Variants in ALG5 observed in about 807,000 individuals in gnomAD.
ALG5 encodes the protein dolichyl-phosphate beta-glucosyltransferase.
In ALG5, 26 loss-of-function variants were observed where a neutral mutation model predicts 51.8. The observed-to-expected ratio is 0.50, with a 90% CI of 0.37 to 0.70. The LOEUF (loss-of-function observed/expected upper bound fraction) is 0.70, where lower values mean the gene tolerates loss of function less well. ALG5 is among the 30% of genes least tolerant of loss of function. The pLI is 0.00. For synonymous variants in ALG5, 141 were observed against 136.1 expected, an observed-to-expected ratio of 1.04 and a Z score of -0.25; for missense variants, 311 against 399.3, an observed-to-expected ratio of 0.78 and a Z score of 1.88.
intron 9 of ALG5, among the ~76,000 whole-genome samples, chr13:36,951,867 C>G (rs1386941973): frequency 9.8e-5 from 15 of 152,322 alleles, no homozygotes; most frequent in Non-Finnish European, 2.9e-5. Flanking sequence ...TCACCGCAAC[C>G]TTTGCCTCTC....
intron 6 of ALG5, among the ~76,000 whole-genome samples, chr13:36,975,695 C>G (rs1314288180): frequency 5.3e-5 from 8 of 152,106 alleles, no homozygotes. Context: ...ATGTAGAATA[C>G]TAAGTTAAAA....
Position 36,981,400 on chromosome 13 carries a change from G to A in ALG5, c.561+4227C>T, listed in dbSNP as rs760337372. Among the ~76,000 whole-genome samples the A allele has an allele frequency of 2.2e-4, 34 of 152,150 alleles. 1 individual carries two copies. Among genetic ancestry groups the A allele is most frequent in the Admixed American group, 5.9e-4 (9 of 15,276 alleles). On this transcript the variant is annotated intron_variant, in intron 6 of 9. Transcript: ENST00000239891. ...ACTTGACTACAAAACCCACGTTCCT[G>A]TTTCATTATTTTCTGAACTATTTCA...
rs535855743 is a variant in ALG5 at position 36,974,232 on chromosome 13, T to C, written c.562-2196A>G. ...ACATACACAGTATGCATCTTCCCAA[T>C]AAAAGAAATGAGTAACACTAGTTAT... is the stretch of plus-strand genomic sequence containing the variant. On this transcript the variant is annotated intron_variant, in intron 6 of 9. Transcript: ENST00000239891. Among the ~76,000 whole-genome samples, 24 of 152,236 alleles carry C rather than the reference T, an allele frequency of 1.6e-4. No individual in the cohort carries two copies. The East Asian group carries it at 4.4e-3, about 28-fold the overall frequency.
chr13:36,988,785 A>G (rs537329350), intron 5 of ALG5, among the ~76,000 whole-genome samples: 4 of 152,334 alleles, frequency 2.6e-5, no homozygotes, highest in Admixed American at 2.0e-4. Flanking sequence ...ATGAGGAAGA[A>G]GGAGTGAAAC....
At position 36,999,328 on chromosome 13, in the gene ALG5, C is replaced by T. The variant is rs757220549; in HGVS notation, c.-28G>A. ...TCCATGCCGTGGCAGCCCGCCCAAT[C>T]CCGCACCTCCACACAGGCGGAAGCG... On this transcript the variant is annotated 5_prime_UTR_variant, in exon 1 of 10. Coordinates refer to ENST00000239891, the MANE Select transcript of ALG5 (RefSeq NM_013338.5). 3 of 1,557,662 alleles carry T rather than the reference C, an allele frequency of 1.9e-6. No individual in the cohort carries two copies. The African/African-American group carries it at 4.2e-5, about 22-fold the overall frequency.
At chr13:36,975,125 T>C (rs1351067431) in intron 6 of ALG5, among the ~76,000 whole-genome samples, 1 of 152,112 alleles carries the variant, frequency 6.6e-6, no homozygotes, top group African/African-American at 2.4e-5. Context: ...GCAGGAGAAT[T>C]GCTTGAACTC....
At chr13:36,984,831 G>A (rs4291799) in intron 6 of ALG5, among the ~76,000 whole-genome samples, 138,580 of 152,046 alleles carry the variant, frequency 0.91, 63,301 homozygotes, top group East Asian at 1. Context: ...AGATTTTGTC[G>A]AGTGTCTTGA....
At chr13:36,955,575 G>A (rs1174699311) in intron 8 of ALG5, among the ~76,000 whole-genome samples, 3 of 149,386 alleles carry the variant, frequency 2.0e-5, no homozygotes, top group Middle Eastern at 3.4e-3. Flanking sequence ...TAAAATTGAG[G>A]AAATCTCAAA....
intron 7 of ALG5, among the ~76,000 whole-genome samples, chr13:36,970,215 T>C (rs1388475255): frequency 6.6e-6 from 1 of 152,112 alleles, no homozygotes; most frequent in Non-Finnish European, 1.5e-5. Context: ...TCTAGGAGTG[T>C]GCTATTCTCT....
chr13:36,986,533 T>C (rs968166303), intron 5 of ALG5, among the ~76,000 whole-genome samples: 3 of 152,216 alleles, frequency 2.0e-5, no homozygotes, highest in African/African-American at 7.2e-5. Context: ...AGGTAAGACA[T>C]ATACAAATGT....
intron 7 of ALG5, among the ~76,000 whole-genome samples, chr13:36,969,916 C>A (rs1185373563): frequency 6.6e-6 from 1 of 151,940 alleles, no homozygotes; most frequent in East Asian, 1.9e-4. Context: ...AGGTTTTATC[C>A]CATGTTATTA....
chr13:36,964,528 C>T (rs1024944507), intron 8 of ALG5, among the ~76,000 whole-genome samples: 3 of 152,152 alleles, frequency 2.0e-5, no homozygotes, highest in Non-Finnish European at 4.4e-5. Flanking sequence ...CCACCTGTAT[C>T]TCCAGTATAT....
intron 2 of ALG5, 30 bp downstream of exon 2, chr13:36,995,395 C>G: frequency 6.3e-7 from 1 of 1,582,422 alleles, no homozygotes; most frequent in South Asian, 1.2e-5. Context: ...CCAAACTACC[C>G]TTTACCAAAA....
intron 6 of ALG5, among the ~76,000 whole-genome samples, chr13:36,973,956 C>A (rs529422466): frequency 2.5e-4 from 38 of 152,280 alleles, no homozygotes; most frequent in African/African-American, 9.1e-4. Flanking sequence ...ATACATATAA[C>A]CTGACCCAGC....
chr13:36,993,613 C>T lies in ALG5; in HGVS notation c.345G>A (p.Gln115=), dbSNP rs764292178. 3 of 1,613,236 alleles carry T rather than the reference C, an allele frequency of 1.9e-6. No homozygotes were observed. In the East Asian group the frequency reaches 6.7e-5, roughly 36 times the overall value. Residue 115 remains glutamine (Q), a synonymous_variant, in exon 4 of 10, where the codon CAG becomes CAA. Transcript: ENST00000239891. ...AAGCAAGTGTATTTACCTTTGAGGT[C>T]TGATCTTTACTGCCATCATCAACTA... ...VIVVDDGSKD[Q]TSKVAFKYCQ... is the part of the protein sequence containing the mutation.
At chr13:36,965,471 G>T in intron 8 of ALG5, 104 bp downstream of exon 8, 1 of 1,199,752 alleles carries the variant, frequency 8.3e-7, no homozygotes. Context: ...TGTCAATTTT[G>T]TTTAAATCTA....
intron 1 of ALG5, among the ~76,000 whole-genome samples, chr13:36,997,058 C>G (rs781206948): frequency 3.1e-4 from 47 of 152,288 alleles, no homozygotes; most frequent in Non-Finnish European, 2.5e-4. Context: ...GATCAGGTCT[C>G]TCCATCCTAA....
chr13:36,965,791 C>G, intron 7 of ALG5, 65 bp from the exon 8 acceptor site: 1 of 1,415,144 alleles, frequency 7.1e-7, no homozygotes, highest in Non-Finnish European at 9.7e-7. Flanking sequence ...CTGAAAACAC[C>G]TGGCTGTAGA....
At chr13:36,997,195 G>A (rs186277070) in intron 1 of ALG5, among the ~76,000 whole-genome samples, 10 of 152,228 alleles carry the variant, frequency 6.6e-5, no homozygotes, top group Admixed American at 2.6e-4. Context: ...GAAAAAGGCC[G>A]GGCGCGGTGG....
Sources: gnomAD v4.1 joint callset for allele counts (sites outside exome capture counted in the v4.1 genomes callset) on GRCh38, gnomAD v4.1.1 for gene constraint, MANE v1.5 for transcripts, NCBI Gene and HGNC (gene_info 2026-07-23, HGNC 2026-07-21) for gene names.